NRG1: variants seen among roughly 807,000 people sequenced by gnomAD.
NRG1 encodes the protein pro-neuregulin-1, membrane-bound isoform.
In NRG1, 18 loss-of-function variants were observed where a neutral mutation model predicts 63.8. The ratio of observed to expected loss-of-function variants is 0.28; its 90% confidence interval spans 0.19 to 0.42. NRG1 has a LOEUF of 0.42. Ranked by LOEUF, NRG1 falls within the 10% of genes least tolerant of loss-of-function variation. NRG1 has a pLI of 1.00. For missense variants in NRG1, 762 were observed against 814.7 expected, an observed-to-expected ratio of 0.94 and a Z score of 0.79; for synonymous variants, 302 against 301.3, an observed-to-expected ratio of 1.00 and a Z score of -0.02.
chr8:32,384,972 T>G (rs907622218), intron 1 of NRG1, among the ~76,000 whole-genome samples: 1 of 152,206 alleles, frequency 6.6e-6, no homozygotes, highest in African/African-American at 2.4e-5. Flanking sequence ...ACTTGTCCCC[T>G]TATTCTAGGG....
At chr8:32,548,452 C>T (rs1833386604) in exon 1 of NRG1, 1 of 1,161,578 alleles carries the variant, frequency 8.6e-7, no homozygotes, top group African/African-American at 1.6e-5. Context: ...GGACGCGAGC[C>T]GCCAGCGGTG....
intron 1 of NRG1, among the ~76,000 whole-genome samples, chr8:31,796,538 T>C (rs1321354286): frequency 2.2e-5 from 3 of 138,714 alleles, no homozygotes; most frequent in Non-Finnish European, 4.6e-5. Flanking sequence ...GTCCACACCA[T>C]TCTCCCGCCT....
At chr8:31,816,022 T>C (rs73592072) in intron 1 of NRG1, among the ~76,000 whole-genome samples, 23,775 of 152,182 alleles carry the variant, frequency 0.16, 2,144 homozygotes, top group Non-Finnish European at 0.19. Context: ...GTATTTTTTG[T>C]TGTTGAATTT....
intron 1 of NRG1, among the ~76,000 whole-genome samples, chr8:32,391,534 A>T (rs751420421): frequency 1.3e-5 from 2 of 151,960 alleles, no homozygotes; most frequent in Non-Finnish European, 1.5e-5. Context: ...GCCCAGATAG[A>T]CACCAGGGTC....
At chr8:31,840,906 G>T (rs752857247) in intron 1 of NRG1, among the ~76,000 whole-genome samples, 2 of 151,984 alleles carry the variant, frequency 1.3e-5, no homozygotes, top group Non-Finnish European at 2.9e-5. Context: ...TTTAGGCTTG[G>T]CCTATGCTTT....
chr8:32,101,674 GAAGT>G (rs1830598610), intron 1 of NRG1, among the ~76,000 whole-genome samples: 1 of 152,082 alleles, frequency 6.6e-6, no homozygotes, highest in African/African-American at 2.4e-5. Flanking sequence ...ATGCAAAGTT[GAAGT>G]ATGTCTAAAG....
chr8:32,619,178 CACTCCAGCCTGGGTGACAGAGGGAG>C (rs1249728695), intron 5 of NRG1, among the ~76,000 whole-genome samples: 2 of 152,084 alleles, frequency 1.3e-5, no homozygotes, highest in African/African-American at 4.8e-5. Context: ...TGTGCCACTG[CACTCCAGCCTGGGTGACAGAGGGAG>C]ACTCTGTTTC....
chr8:31,768,344 A>G (rs1818281982), intron 1 of NRG1, among the ~76,000 whole-genome samples: 1 of 152,224 alleles, frequency 6.6e-6, no homozygotes, highest in Non-Finnish European at 1.5e-5. Context: ...CAGTTTACAC[A>G]ACAGTTGAGA....
At chr8:32,732,467 C>T (rs1409543036) in intron 6 of NRG1, among the ~76,000 whole-genome samples, 2 of 151,996 alleles carry the variant, frequency 1.3e-5, no homozygotes, top group African/African-American at 2.4e-5. Context: ...GCTTATAAGT[C>T]CAACATGTTG....
At chr8:32,591,192 A>C (rs952460932) in intron 1 of NRG1, among the ~76,000 whole-genome samples, 1 of 152,180 alleles carries the variant, frequency 6.6e-6, no homozygotes, top group Non-Finnish European at 1.5e-5. Context: ...TCCTCATGTC[A>C]TAGAAGTTAC....
At chr8:32,011,611 C>T (rs1814772536) in intron 1 of NRG1, among the ~76,000 whole-genome samples, 1 of 151,962 alleles carries the variant, frequency 6.6e-6, no homozygotes, top group South Asian at 2.1e-4. Flanking sequence ...GCTTGTTATC[C>T]AAATTGATCT....
chr8:32,225,696 C>T (rs1278609062), intron 1 of NRG1, among the ~76,000 whole-genome samples: 1 of 152,106 alleles, frequency 6.6e-6, no homozygotes, highest in African/African-American at 2.4e-5. Flanking sequence ...AATAAAACAT[C>T]TTCCGTAATA....
chr8:31,892,950 A>T (rs966048209), intron 1 of NRG1, among the ~76,000 whole-genome samples: 1 of 152,002 alleles, frequency 6.6e-6, no homozygotes, highest in South Asian at 2.1e-4. Flanking sequence ...TTCTGGTAAG[A>T]TATAATATGT....
At chr8:32,765,895 AT>A (rs1831393886) in exon 12 of NRG1, 2 of 152,178 alleles carry the variant, frequency 1.3e-5, no homozygotes, top group Non-Finnish European at 2.9e-5. Flanking sequence ...AAGTATTAAC[AT>A]TTGAAATAAC....
At position 31,954,157 on chromosome 8, in the gene NRG1, C is replaced by T. The variant is rs184525680; in HGVS notation, c.37+314726C>T. On this transcript the variant is annotated intron_variant, in intron 1 of 10. Transcript: ENST00000519301. ...CTCCTCTATACCCCATCTTTTGTTG[C>T]CCTAGTAGAATGATAAAATCACAGC... 4.5e-4 allele frequency among the ~76,000 whole-genome samples: 69 copies of T among 152,206 alleles called. 1 individual carries two copies. Among genetic ancestry groups the T allele is most frequent in the Admixed American group, 9.2e-4 (14 of 15,294 alleles).
Position 32,011,741 on chromosome 8 carries a change from A to G in NRG1, c.37+372310A>G, listed in dbSNP as rs377676541. On this transcript the variant is annotated intron_variant, in intron 1 of 10. Transcript: ENST00000519301. Reference sequence around the variant, plus strand: ...CAGGAGAACAGGGTGGGGCTGAGGCATGCCTGGTCTTTTCACTGCTAGGCT... The same window carrying G: ...CAGGAGAACAGGGTGGGGCTGAGGCGTGCCTGGTCTTTTCACTGCTAGGCT... 2.9e-4 allele frequency among the ~76,000 whole-genome samples: 44 copies of G among 152,216 alleles called. No homozygotes were observed. The East Asian group carries it at 6.4e-3, about 22-fold the overall frequency.
intron 11 of NRG1, chr8:32,763,304 C>A: frequency 6.2e-7 from 1 of 1,613,996 alleles, no homozygotes; most frequent in South Asian, 1.1e-5. Flanking sequence ...CATCTTAGAT[C>A]TTCTTCCATT....
intron 1 of NRG1, among the ~76,000 whole-genome samples, chr8:32,128,166 TG>T (rs1834352166): frequency 6.6e-6 from 1 of 151,914 alleles, no homozygotes; most frequent in African/African-American, 2.4e-5. Context: ...GGAACTAACA[TG>T]AGGTGTTTTC....
chr8:32,294,838 G>A (rs530649140), intron 1 of NRG1, among the ~76,000 whole-genome samples: 11 of 152,046 alleles, frequency 7.2e-5, no homozygotes, highest in Middle Eastern at 3.4e-3. Context: ...GTTATTTTTC[G>A]GAACTTGTGC....
Sources: gnomAD v4.1 joint callset for allele counts (sites outside exome capture counted in the v4.1 genomes callset) on GRCh38, gnomAD v4.1.1 for gene constraint, MANE v1.5 for transcripts, NCBI Gene and HGNC (gene_info 2026-07-23, HGNC 2026-07-21) for gene names.